NF1: variants seen among roughly 807,000 people sequenced by gnomAD.
NF1 encodes neurofibromin 1, also known as neurofibromin.
NF1 carries 122 observed loss-of-function variants against 325.7 expected under a neutral mutation model. That is an observed-to-expected ratio of 0.37 (90% CI 0.32 to 0.44). The LOEUF is 0.44. Ranked by LOEUF, NF1 falls within the 20% of genes least tolerant of loss-of-function variation. The probability of loss-of-function intolerance (pLI) is 1.00; values close to 1 mark genes in which losing one functional copy is unlikely to be tolerated. For missense variants in NF1, 2,140 were observed against 3,415.4 expected, an observed-to-expected ratio of 0.63 and a Z score of 9.31; for synonymous variants, 1,091 against 1,186.0, an observed-to-expected ratio of 0.92 and a Z score of 1.65.
intron 5 of NF1, among the ~76,000 whole-genome samples, chr17:31,178,046 A>G (rs902827351): frequency 3.9e-5 from 6 of 152,158 alleles, no homozygotes; most frequent in African/African-American, 1.4e-4. Context: ...CGAGAAGAGC[A>G]ACCCCAAGAC....
At chr17:31,317,190 T>C (rs2069042294) in intron 36 of NF1, among the ~76,000 whole-genome samples, 2 of 152,180 alleles carry the variant, frequency 1.3e-5, no homozygotes. Context: ...AAATGTGGCC[T>C]GATCTTAGCC....
chr17:31,183,054 T>C (rs1306584110), intron 8 of NF1: 2 of 432,360 alleles, frequency 4.6e-6, no homozygotes, highest in Non-Finnish European at 8.1e-6. Context: ...ATAGTGCTAC[T>C]GAAATTATCT....
At chr17:31,137,198 C>A (rs1278472899) in intron 1 of NF1, 1 of 152,062 alleles carries the variant, frequency 6.6e-6, no homozygotes, top group Non-Finnish European at 1.5e-5. Context: ...AGTTTTTGGA[C>A]TTCTTGGGAG....
chr17:31,362,399 T>C (rs961768767), intron 57 of NF1: 83 of 959,904 alleles, frequency 8.6e-5, no homozygotes, highest in Non-Finnish European at 9.9e-5. Context: ...ATTGTGTACA[T>C]TGGGGAGACT....
At chr17:31,283,003 C>T (rs1176927641) in intron 36 of NF1, among the ~76,000 whole-genome samples, 2 of 152,192 alleles carry the variant, frequency 1.3e-5, no homozygotes, top group Non-Finnish European at 2.9e-5. Flanking sequence ...TACTGTTTAA[C>T]AATGACCATC....
In NF1 at chr17:31,357,316, T is replaced by G. The variant is rs1222801934; in HGVS notation, c.7917T>G (p.Leu2639=). 1.9e-6 allele frequency: 3 copies of G among 1,614,074 alleles called. 1 individual carries two copies. The South Asian group carries it at 3.3e-5, about 18-fold the overall frequency. The change falls in exon 54 of 58, where the codon CTT becomes CTG. Residue 2639 remains leucine (L), a synonymous_variant. Transcript: ENST00000358273. ...CAGATGAGTTTGATCAACGAATTCT[T>G]TATGAATACTTAGCAGAGGCCAGTG... is the stretch of plus-strand genomic sequence containing the variant. The part of the protein sequence containing the change: ...YTTDEFDQRI[L]YEYLAEASVV...
At chr17:31,113,083 G>A (rs1010479928) in intron 1 of NF1, among the ~76,000 whole-genome samples, 2 of 152,072 alleles carry the variant, frequency 1.3e-5, no homozygotes, top group Non-Finnish European at 2.9e-5. Flanking sequence ...TCCTTGTATG[G>A]TTTCGGATTG....
intron 11 of NF1, among the ~76,000 whole-genome samples, chr17:31,205,151 A>AG (rs750532268): frequency 6.6e-6 from 1 of 152,148 alleles, no homozygotes; most frequent in Non-Finnish European, 1.5e-5. Context: ...GTTTGGGTTA[A>AG]GGTAATATAA....
intron 57 of NF1, among the ~76,000 whole-genome samples, chr17:31,366,790 T>A (rs1450477379): frequency 6.6e-6 from 1 of 152,224 alleles, no homozygotes; most frequent in Admixed American, 6.5e-5. Flanking sequence ...TGAGGCCACT[T>A]AAGATCTCTG....
intron 46 of NF1, among the ~76,000 whole-genome samples, chr17:31,339,427 T>C (rs563130330): frequency 2.8e-4 from 42 of 152,310 alleles, no homozygotes; most frequent in Admixed American, 2.0e-4. Context: ...ATTAATAAAA[T>C]GAAAAAGATT....
At chr17:31,287,981 A>C (rs1381420791) in intron 36 of NF1, among the ~76,000 whole-genome samples, 1 of 151,106 alleles carries the variant, frequency 6.6e-6, no homozygotes, top group African/African-American at 2.4e-5. Flanking sequence ...ACCTAATGCT[A>C]GATGACGAGT....
intron 1 of NF1, among the ~76,000 whole-genome samples, chr17:31,107,794 T>C (rs1399361717): frequency 6.6e-6 from 1 of 151,984 alleles, no homozygotes; most frequent in Non-Finnish European, 1.5e-5. Flanking sequence ...TTTTTTATCT[T>C]TCCTCCCAAT....
Position 31,172,521 on chromosome 17 carries a change from C to A in NF1, c.586+2524C>A, listed in dbSNP as rs147826613. 4.1e-3 allele frequency among the ~76,000 whole-genome samples: 619 copies of A among 152,244 alleles called. 1 individual carries two copies. The highest frequency in any genetic ancestry group is 6.7e-3 in the Non-Finnish European group (458 of 68,018). On this transcript the variant is annotated intron_variant, in intron 5 of 57. Coordinates refer to ENST00000358273, the MANE Select transcript of NF1 (RefSeq NM_001042492.3). ...TGTTATATTTTCAGTCTGCACCGGG[C>A]CTTGCGCTATGCAGTTTGCATGCCT...
chr17:31,135,078 T>A (rs1247306882), intron 1 of NF1, among the ~76,000 whole-genome samples: 1 of 152,200 alleles, frequency 6.6e-6, no homozygotes, highest in Non-Finnish European at 1.5e-5. Context: ...GATTTTTACA[T>A]AGGAGTTTGA....
At chr17:31,231,027 T>A (rs1567850254) in intron 24 of NF1, 102 bp downstream of exon 24, 3 of 915,418 alleles carry the variant, frequency 3.3e-6, no homozygotes, top group African/African-American at 3.3e-5. Context: ...TTTAAACTTT[T>A]GAGATGTCAA....
intron 1 of NF1, among the ~76,000 whole-genome samples, chr17:31,117,868 C>T (rs188443575): frequency 1.3e-5 from 2 of 152,162 alleles, no homozygotes; most frequent in East Asian, 1.9e-4. Context: ...CTAACCAAAT[C>T]ATGATATGTA....
At chr17:31,098,275 T>C (rs1911952273) in intron 1 of NF1, among the ~76,000 whole-genome samples, 1 of 151,928 alleles carries the variant, frequency 6.6e-6, no homozygotes, top group Non-Finnish European at 1.5e-5. Context: ...GTATGAAAAG[T>C]AGTGAATGCT....
Position 31,117,045 on chromosome 17 carries a change from T to C in NF1, c.60+21676T>C, listed in dbSNP as rs17880215. 7.8e-3 allele frequency among the ~76,000 whole-genome samples: 1,190 copies of C among 151,946 alleles called. 20 individuals are homozygous for C. Among genetic ancestry groups the C allele is most frequent in the African/African-American group, 0.027 (1,140 of 41,460 alleles). ...TGCCCAGGCTGGAGTGCAGTGGTGC[T>C]ATTTTGGCTCACTGCAACCTCTGCC... On this transcript the variant is annotated intron_variant, in intron 1 of 57. Transcript: ENST00000358273.
intron 57 of NF1, among the ~76,000 whole-genome samples, chr17:31,369,927 G>A (rs2070600609): frequency 6.6e-6 from 1 of 152,122 alleles, no homozygotes; most frequent in Admixed American, 6.5e-5. Flanking sequence ...GCCAGAACTA[G>A]ATACTATGAT....
Sources: gnomAD v4.1 joint callset for allele counts (sites outside exome capture counted in the v4.1 genomes callset) on GRCh38, gnomAD v4.1.1 for gene constraint, MANE v1.5 for transcripts, NCBI Gene and HGNC (gene_info 2026-07-23, HGNC 2026-07-21) for gene names.